The following C2 variants were observed in gnomAD, a reference collection of about 807,000 sequenced individuals.
C2 encodes the protein complement C2, also known as C3/C5 convertase.
Under a neutral mutation model 85.2 loss-of-function variants are expected in C2, and 64 were observed. The ratio of observed to expected loss-of-function variants is 0.75; its 90% confidence interval spans 0.61 to 0.92. The LOEUF (loss-of-function observed/expected upper bound fraction) is 0.92, where lower values mean the gene tolerates loss of function less well. C2 is among the 40% of genes least tolerant of loss of function. C2 has a pLI of 0.00. For synonymous variants in C2, 311 were observed against 370.8 expected, an observed-to-expected ratio of 0.84 and a Z score of 1.85; for missense variants, 820 against 971.6, an observed-to-expected ratio of 0.84 and a Z score of 2.07.
At chr6:31,905,507 C>T (rs535957538) in intron 1 of C2, among the ~76,000 whole-genome samples, 11 of 151,682 alleles carry the variant, frequency 7.3e-5, no homozygotes, top group Admixed American at 2.6e-4. Context: ...TGGCTTATGC[C>T]TGTAATCCCA....
At chr6:31,939,456 C>G (rs1487713157) in intron 9 of C2, 136 bp downstream of exon 9, 1 of 683,658 alleles carries the variant, frequency 1.5e-6, no homozygotes, top group African/African-American at 1.8e-5. Context: ...ACAAAGGCAA[C>G]TCATGTTGAA....
At chr6:31,906,403 C>T (rs1767717384) in intron 1 of C2, among the ~76,000 whole-genome samples, 3 of 151,840 alleles carry the variant, frequency 2.0e-5, no homozygotes, top group South Asian at 4.2e-4. Flanking sequence ...CTCAACCTGC[C>T]TCCAGACAAA....
chr6:31,915,119 C>T (rs1212892694), upstream of C2, among the ~76,000 whole-genome samples: 1 of 152,184 alleles, frequency 6.6e-6, no homozygotes, highest in African/African-American at 2.4e-5. Context: ...AACTGGTCTT[C>T]CAGCCCCTAC....
chr6:31,935,340 C>T lies in C2; in HGVS notation c.850-583C>T, dbSNP rs1341868804. The T allele has an allele frequency of 1.3e-5, 2 of 153,112 alleles. No individual in the cohort carries two copies. The highest frequency in any genetic ancestry group is 1.9e-4 in the East Asian group (1 of 5,194). The allele number at this position is 153,112 out of a possible 1,614,324, so 9.5% of individuals were successfully genotyped here. A position where few individuals can be genotyped will look rare whatever the true frequency, so the allele number is the denominator to read the frequency against. On this transcript the variant is annotated intron_variant, in intron 6 of 17. Coordinates refer to ENST00000299367, the MANE Select transcript of C2 (RefSeq NM_000063.6). This position sits in a 1 kb window ranked among gnomAD's most constrained non-coding sequence, Gnocchi z 4.3. ...GGGGAAGGGGGACAAGGCAACATAC[C>T]TCAGTTTCCTTATCCATAAAATAGG...
chr6:31,899,697 G>T, upstream of C2: 1 of 529,918 alleles, frequency 1.9e-6, no homozygotes, highest in South Asian at 3.2e-5. Flanking sequence ...CTGGGACCCC[G>T]TATTCCCCTG....
At position 31,944,967 on chromosome 6, in the gene C2, C is replaced by T; in HGVS notation, c.2030-13C>T. On this transcript the variant is annotated splice_polypyrimidine_tract_variant and intron_variant, in intron 16 of 17. Coordinates refer to ENST00000299367, the MANE Select transcript of C2 (RefSeq NM_000063.6). This position sits in a 1 kb window ranked among gnomAD's most constrained non-coding sequence, Gnocchi z 5.1. ...CCTAGATGACACTGTCTCCTGTCAC[C>T]CTTTGCTGGCAGGAGAATCTGGGGG... 1.9e-6 allele frequency: 3 copies of T among 1,613,110 alleles called. No individual in the cohort carries two copies. The highest frequency in any genetic ancestry group is 2.2e-5 in the East Asian group (1 of 44,890).
Position 31,934,600 on chromosome 6 carries a change from C to A in C2, c.849+301C>A, listed in dbSNP as rs9332737. The A allele has an allele frequency of 2.3e-4, 326 of 1,411,164 alleles. 5 individuals carry two copies. In the East Asian group the frequency reaches 7.8e-3, roughly 34 times the overall value. The allele number at this position is 1,411,164 out of a possible 1,614,324, so 87.4% of individuals were successfully genotyped here. On this transcript the variant is annotated intron_variant, in intron 6 of 17. Transcript: ENST00000299367. Reference sequence around the variant, plus strand: ...CTCCACAGAAAGGTAGTGAGATAACCCACAGGAGTGAAGCAGAAAAATACT... The same window carrying A: ...CTCCACAGAAAGGTAGTGAGATAACACACAGGAGTGAAGCAGAAAAATACT...
In C2 at chr6:31,943,483, G is replaced by T. The variant is rs765944719; in HGVS notation, c.1523G>T (p.Cys508Phe). Residue 508 changes from cysteine (C) to phenylalanine (F), a missense_variant, in exon 12 of 18, where the codon TGC (cysteine) becomes TTC (phenylalanine). By Grantham distance (205) the Cys-to-Phe change is radical. Coordinates refer to ENST00000299367, the MANE Select transcript of C2 (RefSeq NM_000063.6). This position sits in a 1 kb window ranked among gnomAD's most constrained non-coding sequence, Gnocchi z 6.4. Reference protein sequence around the residue: ...SDQWVLTAAHCFRDGNDHSLW... With the variant: ...SDQWVLTAAHFFRDGNDHSLW... The stretch of plus-strand genomic sequence containing the variant: ...CAATGGGTCCTGACAGCAGCTCATT[G>T]CTTCCGCGATGGCAACGACCACTCC... 1 of 1,613,096 alleles carries T rather than the reference G, an allele frequency of 6.2e-7. No individual in the cohort carries two copies. Among genetic ancestry groups the T allele is most frequent in the South Asian group, 1.1e-5 (1 of 91,092 alleles).
Position 31,936,075 on chromosome 6 carries a change from C to T in C2, c.988+14C>T, listed in dbSNP as rs1298527686. On this transcript the variant is annotated intron_variant, in intron 7 of 17. Transcript: ENST00000299367. ...CCAACTATAAAGGTACGGGTGTCAT[C>T]ACGTGATGGTGATGAGAGAGGAGAA... 6.2e-7 allele frequency: 1 copy of T among 1,612,614 alleles called. No individual in the cohort carries two copies. Among genetic ancestry groups the T allele is most frequent in the African/African-American group, 1.3e-5 (1 of 75,002 alleles).
At chr6:31,913,080 T>G (rs896690181) in intron 1 of C2, among the ~76,000 whole-genome samples, 13 of 149,176 alleles carry the variant, frequency 8.7e-5, no homozygotes, top group African/African-American at 3.2e-4. Context: ...AAGGCTATGG[T>G]GCCCTTGGGC....
chr6:31,898,808 A>G (rs997053693), upstream of C2, among the ~76,000 whole-genome samples: 3 of 151,898 alleles, frequency 2.0e-5, no homozygotes, highest in Admixed American at 1.3e-4. Context: ...GTGCATCCCC[A>G]CGACTGCCAA....
chr6:31,907,841 CTTTTTTTTTTT>C (rs9281622), intron 1 of C2, among the ~76,000 whole-genome samples: 1 of 67,976 alleles, frequency 1.5e-5, no homozygotes, highest in Non-Finnish European at 2.5e-5. Flanking sequence ...CCACTTCTGG[CTTTTTTTTTTT>C]TTTTTTTTTT....
At chr6:31,901,065 C>A in exon 1 of C2, 5 of 1,614,184 alleles carry the variant, frequency 3.1e-6, no homozygotes, top group Non-Finnish European at 3.4e-6. Context: ...AAGTCGGCCA[C>A]GATGCGTGCA....
rs9267683 is a variant in C2 at position 31,931,968 on chromosome 6, G to A, written c.443-1642G>A. Among the ~76,000 whole-genome samples the A allele has an allele frequency of 4.0e-3, 346 of 86,172 alleles. 1 individual carries two copies. Among genetic ancestry groups the A allele is most frequent in the African/African-American group, 0.012 (313 of 26,032 alleles). 56.5% of individuals were successfully genotyped at this position (86,172 alleles called of 152,430 possible). A position where few individuals can be genotyped will look rare whatever the true frequency, so the allele number is the denominator to read the frequency against. ...TGATCCCCCCACCTCCCTCCCGGAC[G>A]GGGCGGCTGGCCGGGCGGGGGGCTG... is the stretch of plus-strand genomic sequence containing the variant. On this transcript the variant is annotated intron_variant, in intron 3 of 17. Coordinates refer to ENST00000299367, the MANE Select transcript of C2 (RefSeq NM_000063.6).
chr6:31,941,062 A>C (rs1286124490), intron 9 of C2: 1 of 152,252 alleles, frequency 6.6e-6, no homozygotes, highest in Non-Finnish European at 1.5e-5. Flanking sequence ...TCCAGTGGGA[A>C]AACGTGGCTT....
chr6:31,919,206 G>A (rs1308808154), upstream of C2, among the ~76,000 whole-genome samples: 1 of 149,090 alleles, frequency 6.7e-6, no homozygotes, highest in Non-Finnish European at 1.5e-5. Context: ...GTGCAGTGGT[G>A]CAATCTCAGC....
chr6:31,931,842 G>T lies in C2; in HGVS notation c.443-1768G>T, dbSNP rs9267680. On this transcript the variant is annotated intron_variant, in intron 3 of 17. Coordinates refer to ENST00000299367, the MANE Select transcript of C2 (RefSeq NM_000063.6). ...TCCTCACTTTCCAGTAGGCGCGGCC[G>T]GGCAGAGGCGCCCCTCACCTCCCGG... Among the ~76,000 whole-genome samples, 9 of 151,392 alleles carry T rather than the reference G, an allele frequency of 5.9e-5. No individual in the cohort carries two copies. In the East Asian group the frequency reaches 1.6e-3, roughly 27 times the overall value.
intron 5 of C2, 55 bp from the exon 6 acceptor site, chr6:31,934,111 C>T (rs557112239): frequency 1.6e-5 from 26 of 1,600,726 alleles, no homozygotes; most frequent in African/African-American, 4.0e-5. Flanking sequence ...ACCTGCTTGG[C>T]GAGAGCGCAG....
In C2 at chr6:31,927,823, T is replaced by C; in HGVS notation, c.46+25T>C. 6.2e-7 allele frequency: 1 copy of C among 1,611,538 alleles called. No homozygotes were observed. The highest frequency in any genetic ancestry group is 8.5e-7 in the Non-Finnish European group (1 of 1,177,656). On this transcript the variant is annotated intron_variant, in intron 1 of 17. Transcript: ENST00000299367. The surrounding 1 kb of genome is among the most constrained non-coding windows in gnomAD (Gnocchi z 4.7). The stretch of plus-strand genomic sequence containing the variant: ...GGTAGGAGGCAGGGAAGGGGGAACG[T>C]CAGGGTCCTGTGTGTGAGGTTGGTG...
Sources: gnomAD v4.1 joint callset for allele counts (sites outside exome capture counted in the v4.1 genomes callset) on GRCh38, gnomAD v4.1.1 for gene constraint, Gnocchi (gnomAD v3.1) non-coding constraint, MANE v1.5 for transcripts, NCBI Gene and HGNC (gene_info 2026-07-23, HGNC 2026-07-21) for gene names.